Variants in TMEM38B observed in about 807,000 individuals in gnomAD.
TMEM38B encodes trimeric intracellular cation channel type B.
TMEM38B carries 24 observed loss-of-function variants against 28.7 expected under a neutral mutation model. The ratio of observed to expected loss-of-function variants is 0.84; its 90% CI spans 0.61 to 1.18. The LOEUF (loss-of-function observed/expected upper bound fraction) is 1.18, where lower values mean the gene tolerates loss of function less well. Ranked by LOEUF, TMEM38B falls within the 50% of genes most tolerant of loss-of-function variation. The probability of loss-of-function intolerance (pLI) is 0.00; values close to 1 mark genes in which losing one functional copy is unlikely to be tolerated. For missense variants in TMEM38B, 380 were observed against 350.9 expected, an observed-to-expected ratio of 1.08 and a Z score of -0.66; for synonymous variants, 131 against 127.7, an observed-to-expected ratio of 1.03 and a Z score of -0.17.
intron 4 of TMEM38B, among the ~76,000 whole-genome samples, chr9:105,743,143 G>C (rs924224884): frequency 6.6e-6 from 1 of 152,150 alleles, no homozygotes; most frequent in African/African-American, 2.4e-5. Context: ...ATTGTTAAGC[G>C]AGATCCAGAA....
At position 105,759,997 on chromosome 9, in the gene TMEM38B, A is replaced by C; in HGVS notation, c.660+11807A>C. Reference sequence around the variant, plus strand: ...ACTCGGAGAGTCTAGTGCTGCAATCAATAAAAGACTCTGCAAAAGTTCAAT... The same window carrying C: ...ACTCGGAGAGTCTAGTGCTGCAATCCATAAAAGACTCTGCAAAAGTTCAAT... On this transcript the variant is annotated intron_variant, in intron 5 of 5. Transcript: ENST00000374692. The C allele has an allele frequency of 2.7e-6, 4 of 1,486,844 alleles. No homozygotes were observed. The South Asian group carries it at 3.5e-5, about 13-fold the overall frequency. 92.1% of individuals were successfully genotyped at this position (1,486,844 alleles called of 1,614,324 possible). A position where few individuals can be genotyped will look rare whatever the true frequency, so the allele number is the denominator to read the frequency against.
At chr9:105,749,231 C>A in intron 5 of TMEM38B, 1 of 590,002 alleles carries the variant, frequency 1.7e-6, no homozygotes, top group South Asian at 2.2e-5. Flanking sequence ...CTGTGTTAGT[C>A]TGTTCTCATG....
At chr9:105,697,033 G>A (rs1051166435) in intron 1 of TMEM38B, among the ~76,000 whole-genome samples, 3 of 151,960 alleles carry the variant, frequency 2.0e-5, no homozygotes, top group African/African-American at 7.3e-5. Context: ...AACCTTTTGG[G>A]GTTGTCAAGA....
At chr9:105,732,214 T>C (rs1247458595) in intron 4 of TMEM38B, among the ~76,000 whole-genome samples, 2 of 152,216 alleles carry the variant, frequency 1.3e-5, no homozygotes, top group African/African-American at 4.8e-5. Flanking sequence ...ATTAGCACTT[T>C]GTCAGATGGG....
intron 4 of TMEM38B, among the ~76,000 whole-genome samples, chr9:105,734,585 T>C (rs1439126704): frequency 1.3e-5 from 2 of 152,128 alleles, no homozygotes; most frequent in East Asian, 3.8e-4. Context: ...TCCTGTCTAT[T>C]AATATTTGTT....
intron 4 of TMEM38B, among the ~76,000 whole-genome samples, chr9:105,739,854 G>A (rs1383317331): frequency 6.6e-6 from 1 of 151,640 alleles, no homozygotes; most frequent in East Asian, 1.9e-4. Flanking sequence ...TATGAACATG[G>A]GATAGCTTTC....
At chr9:105,745,335 C>T (rs2133613072) in intron 4 of TMEM38B, among the ~76,000 whole-genome samples, 1 of 152,286 alleles carries the variant, frequency 6.6e-6, no homozygotes, top group East Asian at 1.9e-4. Flanking sequence ...CTCTGATGGC[C>T]AGTGATGATG....
chr9:105,727,113 A>G (rs1836545442), intron 4 of TMEM38B, among the ~76,000 whole-genome samples: 1 of 152,166 alleles, frequency 6.6e-6, no homozygotes, highest in South Asian at 2.1e-4. Context: ...TCCTGAATAC[A>G]TTACACTATA....
chr9:105,749,124 G>T, intron 5 of TMEM38B: 1 of 1,302,150 alleles, frequency 7.7e-7, no homozygotes, highest in Non-Finnish European at 1.0e-6. Flanking sequence ...AACAAATATT[G>T]GAGGCAAAAT....
At chr9:105,755,266 G>C (rs1297893985) in intron 5 of TMEM38B, among the ~76,000 whole-genome samples, 1 of 152,158 alleles carries the variant, frequency 6.6e-6, no homozygotes, top group Non-Finnish European at 1.5e-5. Flanking sequence ...GAAAAGGAGA[G>C]ACTCCTCCCT....
intron 4 of TMEM38B, among the ~76,000 whole-genome samples, chr9:105,741,560 A>C (rs1837206075): frequency 6.6e-6 from 1 of 152,214 alleles, no homozygotes. Flanking sequence ...GAACTGGAGA[A>C]AGGTTATCCT....
intron 5 of TMEM38B, chr9:105,760,195 AT>A (rs1837989064): frequency 2.2e-6 from 2 of 905,442 alleles, no homozygotes; most frequent in African/African-American, 3.3e-5. Flanking sequence ...GATTTCCCAA[AT>A]GAGTCAAAAT....
rs544605584 is a variant in TMEM38B at position 105,772,449 on chromosome 9, A to C, written c.661-1416A>C. On this transcript the variant is annotated intron_variant, in intron 5 of 5. Transcript: ENST00000374692. ...GAATTTAGGTACATATCTTCACAAG[A>C]AAAAGCAAGGGTAAATGTGGAACTC... Among the ~76,000 whole-genome samples the C allele has an allele frequency of 5.3e-5, 8 of 152,256 alleles. 1 individual carries two copies. The South Asian group carries it at 1.7e-3, about 32-fold the overall frequency.
At chr9:105,770,668 A>C (rs749115362) in intron 5 of TMEM38B, among the ~76,000 whole-genome samples, 5 of 152,170 alleles carry the variant, frequency 3.3e-5, no homozygotes, top group Admixed American at 6.5e-5. Context: ...CAGAAAACCT[A>C]CTTGAATATG....
intron 4 of TMEM38B, among the ~76,000 whole-genome samples, chr9:105,741,051 G>A (rs1837185641): frequency 6.6e-6 from 1 of 152,142 alleles, no homozygotes; most frequent in Non-Finnish European, 1.5e-5. Context: ...GGGACGGAAT[G>A]CAGTCACATG....
At chr9:105,724,514 T>C (rs1836437404) in intron 4 of TMEM38B, among the ~76,000 whole-genome samples, 1 of 151,476 alleles carries the variant, frequency 6.6e-6, no homozygotes, top group African/African-American at 2.4e-5. Context: ...TCCCAGCTAC[T>C]CAGGAGGCTG....
chr9:105,762,118 C>T (rs1191486222), intron 5 of TMEM38B, among the ~76,000 whole-genome samples: 1 of 151,924 alleles, frequency 6.6e-6, no homozygotes, highest in African/African-American at 2.4e-5. Flanking sequence ...AATGACTATT[C>T]TCATTTCTCA....
intron 2 of TMEM38B, among the ~76,000 whole-genome samples, chr9:105,709,338 G>A (rs1835808024): frequency 6.6e-6 from 1 of 152,006 alleles, no homozygotes; most frequent in Non-Finnish European, 1.5e-5. Context: ...TTAATTATTT[G>A]TAATAATGGG....
chr9:105,700,028 A>G (rs904496288), intron 1 of TMEM38B, among the ~76,000 whole-genome samples: 4 of 152,234 alleles, frequency 2.6e-5, no homozygotes, highest in African/African-American at 9.6e-5. Flanking sequence ...CTTCAATCCT[A>G]CATTCACATC....
Sources: allele counts gnomAD v4.1 joint callset (sites outside exome capture counted in the v4.1 genomes callset), GRCh38; gene constraint gnomAD v4.1.1; transcripts MANE v1.5; gene names NCBI Gene and HGNC (gene_info 2026-07-23, HGNC 2026-07-21).